Variants in SRPK2 observed in about 807,000 individuals in gnomAD.
SRPK2 encodes the protein SRSF protein kinase 2, also known as SFRS protein kinase 2.
A neutral mutation model predicts 90.8 loss-of-function variants in SRPK2; 21 were observed. That is an observed-to-expected ratio of 0.23 (90% CI 0.16 to 0.33). The LOEUF (loss-of-function observed/expected upper bound fraction) is 0.33. Ranked by LOEUF, SRPK2 falls within the 10% of genes least tolerant of loss-of-function variation. The pLI, the probability that SRPK2 is intolerant of heterozygous loss-of-function variation, is 1.00. For synonymous variants in SRPK2, 288 were observed against 311.1 expected, an observed-to-expected ratio of 0.93 and a Z score of 0.78; for missense variants, 620 against 869.0, an observed-to-expected ratio of 0.71 and a Z score of 3.60.
intron 2 of SRPK2, among the ~76,000 whole-genome samples, chr7:105,319,947 G>A (rs894419694): frequency 1.3e-5 from 2 of 149,884 alleles, no homozygotes; most frequent in Non-Finnish European, 3.0e-5. Context: ...GGGGCTGCCC[G>A]ACTCGCGAAT....
At chr7:105,334,434 G>C (rs905200280) in intron 2 of SRPK2, among the ~76,000 whole-genome samples, 2 of 151,678 alleles carry the variant, frequency 1.3e-5, no homozygotes, top group Admixed American at 1.3e-4. Context: ...ATGTTGGCCA[G>C]GCTGGTCTCG....
intron 2 of SRPK2, among the ~76,000 whole-genome samples, chr7:105,364,577 T>TA (rs1289157111): frequency 2.0e-5 from 3 of 152,008 alleles, no homozygotes; most frequent in African/African-American, 7.2e-5. Flanking sequence ...ATTTTTTTTG[T>TA]ATTTTTAGTA....
chr7:105,301,430 G>A, intron 2 of SRPK2: 1 of 713,674 alleles, frequency 1.4e-6, no homozygotes, highest in South Asian at 1.6e-5. Context: ...GGCGCCAAAG[G>A]GGGTCGCCGG....
chr7:105,313,601 A>G (rs1018301107), intron 2 of SRPK2, among the ~76,000 whole-genome samples: 1 of 152,046 alleles, frequency 6.6e-6, no homozygotes, highest in African/African-American at 2.4e-5. Context: ...ATACAAAAAA[A>G]TTAGCCAGGT....
chr7:105,141,713 GA>G (rs1364585847), intron 11 of SRPK2, among the ~76,000 whole-genome samples: 1 of 152,206 alleles, frequency 6.6e-6, no homozygotes, highest in Non-Finnish European at 1.5e-5. Context: ...ACACATTCTA[GA>G]AAGGTGTAAG....
At chr7:105,364,040 G>C (rs992901502) in intron 2 of SRPK2, among the ~76,000 whole-genome samples, 3 of 151,772 alleles carry the variant, frequency 2.0e-5, no homozygotes, top group Non-Finnish European at 2.9e-5. Context: ...GTCGTGGGGT[G>C]GGGGGCTGGG....
At chr7:105,149,340 G>A (rs539834618) in intron 7 of SRPK2, among the ~76,000 whole-genome samples, 39 of 152,146 alleles carry the variant, frequency 2.6e-4, no homozygotes, top group Admixed American at 3.3e-4. Flanking sequence ...TCTGGTGTAC[G>A]TGCACGTCCA....
At position 105,171,114 on chromosome 7, in the gene SRPK2, A is replaced by T. The variant is rs190257695; in HGVS notation, c.230-1849T>A. On this transcript the variant is annotated intron_variant, in intron 3 of 15. Transcript: ENST00000393651. ...GGAGGGGACGGGAAGGGAGAGGAAG[A>T]AATCAGCTATAGAGGGCACCCTATT... Among the ~76,000 whole-genome samples the T allele has an allele frequency of 3.9e-5, 6 of 152,096 alleles. No individual in the cohort carries two copies. The East Asian group carries it at 1.2e-3, about 29-fold the overall frequency.
At chr7:105,333,064 C>T (rs1036137692) in intron 2 of SRPK2, among the ~76,000 whole-genome samples, 6 of 151,982 alleles carry the variant, frequency 3.9e-5, no homozygotes, top group Admixed American at 3.3e-4. Context: ...CGTGGTGGCA[C>T]TCGCCTGTAA....
upstream of SRPK2, among the ~76,000 whole-genome samples, chr7:105,392,195 G>A (rs958577853): frequency 1.3e-5 from 2 of 152,214 alleles, no homozygotes; most frequent in Non-Finnish European, 2.9e-5. Context: ...GAGTTGGGGG[G>A]TGGGAGAAGG....
At chr7:105,239,851 T>C (rs1269324310) in intron 2 of SRPK2, among the ~76,000 whole-genome samples, 2 of 152,212 alleles carry the variant, frequency 1.3e-5, no homozygotes, top group African/African-American at 4.8e-5. Flanking sequence ...AGTGTCAGAT[T>C]TGGCTTCCTG....
intron 2 of SRPK2, among the ~76,000 whole-genome samples, chr7:105,303,366 G>C (rs1428779643): frequency 6.6e-6 from 1 of 152,044 alleles, no homozygotes; most frequent in African/African-American, 2.4e-5. Flanking sequence ...TAATGTAAAT[G>C]ATGAGTTAAT....
intron 15 of SRPK2, among the ~76,000 whole-genome samples, chr7:105,120,252 A>G (rs896274985): frequency 5.9e-5 from 9 of 152,244 alleles, no homozygotes; most frequent in Non-Finnish European, 1.0e-4. Flanking sequence ...GTTTGCAAAT[A>G]TAGGTAACTA....
intron 13 of SRPK2, among the ~76,000 whole-genome samples, chr7:105,131,814 T>C (rs554683374): frequency 1.5e-4 from 23 of 152,080 alleles, no homozygotes; most frequent in Non-Finnish European, 3.1e-4. Context: ...CTTTTAAATA[T>C]TGGAAGAATA....
chr7:105,120,093 T>C (rs974582610), intron 15 of SRPK2, among the ~76,000 whole-genome samples: 1 of 152,246 alleles, frequency 6.6e-6, no homozygotes, highest in African/African-American at 2.4e-5. Context: ...TTCTGTAATA[T>C]GACTATATTG....
chr7:105,244,698 A>T, intron 2 of SRPK2: 1 of 1,147,540 alleles, frequency 8.7e-7, no homozygotes. Context: ...AAGGGCCAAA[A>T]GGTGACCAAG....
intron 2 of SRPK2, among the ~76,000 whole-genome samples, chr7:105,364,020 A>C (rs1818734576): frequency 2.2e-5 from 3 of 138,186 alleles, no homozygotes; most frequent in Admixed American, 7.6e-5. Context: ...AACATCACAC[A>C]CTGGGGCCTG....
chr7:105,173,712 C>T (rs989183511), intron 3 of SRPK2, among the ~76,000 whole-genome samples: 1 of 152,170 alleles, frequency 6.6e-6, no homozygotes, highest in Non-Finnish European at 1.5e-5. Context: ...AAACTTTATT[C>T]AGTTTGCTGC....
chr7:105,140,875 C>T (rs1473697765), intron 11 of SRPK2, among the ~76,000 whole-genome samples: 1 of 150,774 alleles, frequency 6.6e-6, no homozygotes, highest in Admixed American at 6.6e-5. Flanking sequence ...GCGGGAGAAT[C>T]GCTTGAACCC....
Sources: allele counts gnomAD v4.1 joint callset (sites outside exome capture counted in the v4.1 genomes callset), GRCh38; gene constraint gnomAD v4.1.1; transcripts MANE v1.5; gene names NCBI Gene and HGNC (gene_info 2026-07-23, HGNC 2026-07-21).